The following ICA1L variants were observed in gnomAD, a reference collection of about 807,000 sequenced individuals.
ICA1L encodes the protein islet cell autoantigen 1 like.
A neutral mutation model predicts 61.3 loss-of-function variants in ICA1L; 50 were observed. The observed-to-expected ratio is 0.82, with a 90% confidence interval of 0.65 to 1.03. The LOEUF is 1.03. ICA1L is among the 50% of genes least tolerant of loss of function. The pLI, the probability that ICA1L is intolerant of heterozygous loss-of-function variation, is 0.00. For synonymous variants in ICA1L, 161 were observed against 191.3 expected (o/e 0.84, Z 1.31); for missense variants, 508 against 556.7 (o/e 0.91, Z 0.88).
intron 1 of ICA1L, among the ~76,000 whole-genome samples, chr2:202,829,748 AACTT>A (rs1317782978): frequency 2.0e-5 from 3 of 152,314 alleles, no homozygotes; most frequent in South Asian, 2.1e-4. Flanking sequence ...AACGTAATAA[AACTT>A]ACGATTTTGC....
intron 9 of ICA1L, among the ~76,000 whole-genome samples, chr2:202,804,974 T>C (rs1057316082): frequency 2.6e-5 from 4 of 152,234 alleles, no homozygotes; most frequent in African/African-American, 9.6e-5. Flanking sequence ...AATTGAATGA[T>C]AATGAAAATA....
At chr2:202,831,094 T>C (rs1694004119) in intron 1 of ICA1L, among the ~76,000 whole-genome samples, 1 of 152,104 alleles carries the variant, frequency 6.6e-6, no homozygotes, top group Non-Finnish European at 1.5e-5. Flanking sequence ...AAGCATAAAA[T>C]AGAACAAGGA....
chr2:202,859,396 G>T (rs1694851579), intron 1 of ICA1L, among the ~76,000 whole-genome samples: 1 of 152,110 alleles, frequency 6.6e-6, no homozygotes, highest in South Asian at 2.1e-4. Context: ...AACTCATGCA[G>T]AACAAAAATT....
chr2:202,823,980 T>C (rs1693766370), intron 3 of ICA1L, among the ~76,000 whole-genome samples: 1 of 152,234 alleles, frequency 6.6e-6, no homozygotes. Flanking sequence ...GCTTTGATTA[T>C]AAAGCAATGA....
rs4675290 is a variant in ICA1L, at chr2:202,775,116, T to C, written c.*4417A>G. 0.73 allele frequency: 110,893 copies of C among 152,194 alleles called. 40,618 individuals carry two copies. The highest frequency in any genetic ancestry group is 0.83 in the South Asian group (3,993 of 4,828). 9.4% of individuals were successfully genotyped at this position (152,194 alleles called of 1,614,324 possible). ...ATCTTTACCAACCATTTTTCTTATC[T>C]TGTCCCTTAGTTTTCTTTGCCATGT... On this transcript the variant is annotated 3_prime_UTR_variant, in exon 13 of 13. Transcript: ENST00000358299.
At chr2:202,829,457 A>G (rs916489603) in intron 1 of ICA1L, among the ~76,000 whole-genome samples, 1 of 152,216 alleles carries the variant, frequency 6.6e-6, no homozygotes, top group Admixed American at 6.5e-5. Context: ...TACTAAATGT[A>G]ATTTTTTTTT....
In ICA1L at chr2:202,773,708, ACT is replaced by A; in HGVS notation, c.*5823_*5824del. On this transcript the variant is annotated 3_prime_UTR_variant, in exon 13 of 13. Coordinates refer to ENST00000358299, the MANE Select transcript of ICA1L (RefSeq NM_001288622.3). The stretch of plus-strand genomic sequence containing the variant: ...TATCATTAATATATACAGCATATTG[ACT>A]CTAGTTGCATCAGTTATGCATGAAG... The A allele has an allele frequency of 5.7e-6, 6 of 1,054,574 alleles. No individual in the cohort carries two copies. Among genetic ancestry groups the A allele is most frequent in the Non-Finnish European group, 8.7e-6 (6 of 687,210 alleles). The allele number at this position is 1,054,574 out of a possible 1,614,324, so 65.3% of individuals were successfully genotyped here. A position where few individuals can be genotyped will look rare whatever the true frequency, so the allele number is the denominator to read the frequency against.
At chr2:202,828,532 C>T (rs1450565516) in intron 2 of ICA1L, among the ~76,000 whole-genome samples, 1 of 152,076 alleles carries the variant, frequency 6.6e-6, no homozygotes, top group Non-Finnish European at 1.5e-5. Flanking sequence ...AATAGTATGA[C>T]TTGATATATA....
At chr2:202,797,149 TG>T (rs1692956291) in intron 9 of ICA1L, among the ~76,000 whole-genome samples, 185 bp from the exon 10 acceptor site, 1 of 152,004 alleles carries the variant, frequency 6.6e-6, no homozygotes, top group Admixed American at 6.6e-5. Flanking sequence ...TGTGTGTGTG[TG>T]TGTGTGTGTG....
intron 1 of ICA1L, among the ~76,000 whole-genome samples, chr2:202,865,005 A>G (rs970420679): frequency 6.6e-6 from 1 of 151,988 alleles, no homozygotes; most frequent in East Asian, 1.9e-4. Context: ...CTACTAAAAA[A>G]TACAAAAATC....
chr2:202,810,831 G>A (rs1051119134), intron 9 of ICA1L, among the ~76,000 whole-genome samples: 1 of 152,132 alleles, frequency 6.6e-6, no homozygotes, highest in African/African-American at 2.4e-5. Context: ...TGTCTTTTAT[G>A]GTCATAGCTG....
intron 1 of ICA1L, among the ~76,000 whole-genome samples, chr2:202,830,130 A>C (rs1693973888): frequency 6.6e-6 from 1 of 152,258 alleles, no homozygotes; most frequent in Non-Finnish European, 1.5e-5. Context: ...GCAGTGGCTC[A>C]TGCCTGTAAT....
intron 1 of ICA1L, among the ~76,000 whole-genome samples, chr2:202,834,617 G>A (rs1694097719): frequency 6.6e-6 from 1 of 152,110 alleles, no homozygotes; most frequent in African/African-American, 2.4e-5. Flanking sequence ...GACAGAGCCA[G>A]ACTCTGTCTC....
Position 202,839,995 on chromosome 2 carries a change from T to A in ICA1L, c.-7-10979A>T, listed in dbSNP as rs185458126. ...TGCCTGACATTTTATGGTTTTGATG[T>A]CACAATTTACATCTTTTTATATTGT... On this transcript the variant is annotated intron_variant, in intron 1 of 12. Coordinates refer to ENST00000358299, the MANE Select transcript of ICA1L (RefSeq NM_001288622.3). 3.9e-5 allele frequency among the ~76,000 whole-genome samples: 6 copies of A among 152,032 alleles called. No homozygotes were observed. The East Asian group carries it at 1.2e-3, about 29-fold the overall frequency.
At chr2:202,836,065 G>A (rs1026105733) in intron 1 of ICA1L, among the ~76,000 whole-genome samples, 3 of 152,128 alleles carry the variant, frequency 2.0e-5, no homozygotes, top group Admixed American at 2.0e-4. Context: ...TTGAATGGAA[G>A]CGCTGAAAGT....
chr2:202,847,713 A>ATATATATATATATATATATATAT (rs1242055604), intron 1 of ICA1L, among the ~76,000 whole-genome samples: 25 of 147,452 alleles, frequency 1.7e-4, no homozygotes, highest in African/African-American at 2.3e-4. Flanking sequence ...ATATATAGTT[A>ATATATATATATATATATATATAT]AGCAGTGAGA....
chr2:202,791,490 C>G (rs1338925661), intron 10 of ICA1L, among the ~76,000 whole-genome samples: 1 of 152,172 alleles, frequency 6.6e-6, no homozygotes, highest in East Asian at 1.9e-4. Context: ...TGGACAATAG[C>G]ACATGAAAAG....
chr2:202,788,351 G>A (rs1216788450), intron 11 of ICA1L, among the ~76,000 whole-genome samples: 1 of 152,124 alleles, frequency 6.6e-6, no homozygotes, highest in Non-Finnish European at 1.5e-5. Context: ...GACAGGATTT[G>A]GTAACCAATA....
chr2:202,823,519 TTG>T (rs1233524428), intron 3 of ICA1L, among the ~76,000 whole-genome samples: 1 of 152,152 alleles, frequency 6.6e-6, no homozygotes, highest in Non-Finnish European at 1.5e-5. Flanking sequence ...GGTCCAGTGA[TTG>T]TGATATATTT....
Sources: gnomAD v4.1 joint callset for allele counts (sites outside exome capture counted in the v4.1 genomes callset) on GRCh38, gnomAD v4.1.1 for gene constraint, MANE v1.5 for transcripts, NCBI Gene and HGNC (gene_info 2026-07-23, HGNC 2026-07-21) for gene names.